BICC1: variants seen among roughly 807,000 people sequenced by gnomAD.
The protein encoded by BICC1 is protein bicaudal C homolog 1.
In BICC1, 43 loss-of-function variants were observed where a neutral mutation model predicts 111.0. The ratio of observed to expected loss-of-function variants is 0.39; its 90% CI spans 0.30 to 0.50. The LOEUF is 0.50. BICC1 is among the 20% of genes least tolerant of loss of function. The pLI is 0.88. For synonymous variants in BICC1, 467 were observed against 434.4 expected (o/e 1.07, Z -0.93); for missense variants, 1,091 against 1,203.2 (o/e 0.91, Z 1.38).
intron 3 of BICC1, among the ~76,000 whole-genome samples, chr10:58,725,216 C>T (rs1431614839): frequency 2.6e-5 from 4 of 152,112 alleles, no homozygotes; most frequent in African/African-American, 7.2e-5. Flanking sequence ...TTGCAAATAT[C>T]GATCATGCAA....
chr10:58,608,436 GAAT>G (rs1041883607), intron 1 of BICC1, among the ~76,000 whole-genome samples: 1 of 152,130 alleles, frequency 6.6e-6, no homozygotes, highest in African/African-American at 2.4e-5. Flanking sequence ...ACGCGTTTTG[GAAT>G]CAGACATTCA....
chr10:58,606,681 T>G (rs1234758525), intron 1 of BICC1, among the ~76,000 whole-genome samples: 1 of 152,158 alleles, frequency 6.6e-6, no homozygotes, highest in Non-Finnish European at 1.5e-5. Flanking sequence ...GTGACTTGTT[T>G]TTTTCTCTCT....
At position 58,592,831 on chromosome 10, in the gene BICC1, C is replaced by T. The variant is rs184517196; in HGVS notation, c.191-28024C>T. Reference sequence around the variant, plus strand: ...GGTGGAGGTTGCAGTGAGCCGAGATCGCACCACTGCACTCAAGCCTGGCCA... The same window carrying T: ...GGTGGAGGTTGCAGTGAGCCGAGATTGCACCACTGCACTCAAGCCTGGCCA... On this transcript the variant is annotated intron_variant, in intron 1 of 20. Coordinates refer to ENST00000373886, the MANE Select transcript of BICC1 (RefSeq NM_001080512.3). Among the ~76,000 whole-genome samples, 490 of 140,594 alleles carry T rather than the reference C, an allele frequency of 3.5e-3. 3 individuals are homozygous for T. Among genetic ancestry groups the T allele is most frequent in the Middle Eastern group, 0.012 (3 of 242 alleles). 92.2% of individuals were successfully genotyped at this position (140,594 alleles called of 152,430 possible).
At chr10:58,644,393 G>T (rs1838207539) in intron 2 of BICC1, among the ~76,000 whole-genome samples, 1 of 152,174 alleles carries the variant, frequency 6.6e-6, no homozygotes, top group Non-Finnish European at 1.5e-5. Flanking sequence ...CCCAGAAGTT[G>T]TGTAAGGAAG....
intron 2 of BICC1, among the ~76,000 whole-genome samples, chr10:58,635,038 A>C (rs1837914097): frequency 6.6e-6 from 1 of 152,022 alleles, no homozygotes; most frequent in African/African-American, 2.4e-5. Context: ...TCTGTGGTAG[A>C]CCCGTCACAG....
At chr10:58,670,032 C>G (rs1390928334) in intron 2 of BICC1, among the ~76,000 whole-genome samples, 5 of 151,992 alleles carry the variant, frequency 3.3e-5, no homozygotes, top group Non-Finnish European at 7.4e-5. Flanking sequence ...AGAAATGCAG[C>G]TTGGTTAAAG....
At chr10:58,623,444 T>C (rs574966750) in intron 2 of BICC1, among the ~76,000 whole-genome samples, 1 of 152,322 alleles carries the variant, frequency 6.6e-6, no homozygotes, top group East Asian at 1.9e-4. Context: ...ATACACTGTT[T>C]TGCTGCATGG....
At chr10:58,769,916 A>G (rs1251293911) in intron 3 of BICC1, among the ~76,000 whole-genome samples, 1 of 152,158 alleles carries the variant, frequency 6.6e-6, no homozygotes, top group Non-Finnish European at 1.5e-5. Flanking sequence ...TTTCGTACTG[A>G]TTAGCATGAA....
In BICC1 at chr10:58,813,840, T is replaced by C; in HGVS notation, c.2387T>C (p.Met796Thr). 1.2e-6 allele frequency: 2 copies of C among 1,613,914 alleles called. No individual in the cohort carries two copies. The highest frequency in any genetic ancestry group is 1.1e-5 in the South Asian group (1 of 91,076). The change falls in exon 18 of 21, where the codon ATG (methionine) becomes ACG (threonine). Residue 796 changes from methionine (M) to threonine (T), a missense_variant. By Grantham distance (81) the Met-to-Thr change is moderately conservative. Coordinates refer to ENST00000373886, the MANE Select transcript of BICC1 (RefSeq NM_001080512.3). ...TTTGTCTGTTTACAGGGCTCATCCA[T>C]GTCCCTTTCACGGTCCAACAGTCGT... ...TMTTTYEGSSMSLSRSNSREH... is the reference protein window; with the variant it reads ...TMTTTYEGSSTSLSRSNSREH...
chr10:58,555,026 T>C lies in BICC1; in HGVS notation c.190+41693T>C, dbSNP rs367580420. On this transcript the variant is annotated intron_variant, in intron 1 of 20. Coordinates refer to ENST00000373886, the MANE Select transcript of BICC1 (RefSeq NM_001080512.3). ...AATTTGTAATGTCCAGGTTTTGTTATAAATACCTTAGTGTCTTTCTTTAAA... is the reference window on the plus strand; with the variant it reads ...AATTTGTAATGTCCAGGTTTTGTTACAAATACCTTAGTGTCTTTCTTTAAA... Among the ~76,000 whole-genome samples, 23 of 152,176 alleles carry C rather than the reference T, an allele frequency of 1.5e-4. No homozygotes were observed. The East Asian group carries it at 3.7e-3, about 24-fold the overall frequency.
intron 2 of BICC1, among the ~76,000 whole-genome samples, chr10:58,700,230 A>G (rs1840190318): frequency 6.6e-6 from 1 of 152,162 alleles, no homozygotes; most frequent in South Asian, 2.1e-4. Context: ...GTGAGAGTAG[A>G]AAAGGATGGG....
chr10:58,712,751 A>G (rs1034522932), intron 3 of BICC1, among the ~76,000 whole-genome samples: 1 of 152,166 alleles, frequency 6.6e-6, no homozygotes. Flanking sequence ...CAGTGAAATT[A>G]TTCTGTATGA....
chr10:58,724,532 A>C (rs1841041302), intron 3 of BICC1, among the ~76,000 whole-genome samples: 1 of 152,192 alleles, frequency 6.6e-6, no homozygotes, highest in Non-Finnish European at 1.5e-5. Context: ...CAGCTCCAGA[A>C]CATTAAAAGT....
chr10:58,677,363 C>G (rs1181756548), intron 2 of BICC1, among the ~76,000 whole-genome samples: 3 of 152,312 alleles, frequency 2.0e-5, no homozygotes, highest in Non-Finnish European at 4.4e-5. Flanking sequence ...CATAAATGAC[C>G]TGATGCAGCT....
chr10:58,623,275 A>G (rs1014433305), intron 2 of BICC1, among the ~76,000 whole-genome samples: 5 of 152,230 alleles, frequency 3.3e-5, no homozygotes, highest in African/African-American at 7.2e-5. Flanking sequence ...AAGAATTGGT[A>G]TATTTCCATA....
chr10:58,751,111 C>A (rs1218792897), intron 3 of BICC1, among the ~76,000 whole-genome samples: 1 of 152,144 alleles, frequency 6.6e-6, no homozygotes, highest in Non-Finnish European at 1.5e-5. Flanking sequence ...AGAAGGATAG[C>A]AGTTCTGCAA....
At chr10:58,565,019 A>G (rs1297794952) in intron 1 of BICC1, among the ~76,000 whole-genome samples, 1 of 152,184 alleles carries the variant, frequency 6.6e-6, no homozygotes. Context: ...TTACCTAGCC[A>G]TCAGAGAAAC....
chr10:58,813,170 A>G (rs1843965676), intron 17 of BICC1, among the ~76,000 whole-genome samples: 1 of 152,186 alleles, frequency 6.6e-6, no homozygotes, highest in Non-Finnish European at 1.5e-5. Flanking sequence ...TGACTTTAAT[A>G]CTCTAGGTAA....
At chr10:58,631,332 C>T (rs1275186215) in intron 2 of BICC1, among the ~76,000 whole-genome samples, 3 of 152,240 alleles carry the variant, frequency 2.0e-5, no homozygotes, top group East Asian at 1.9e-4. Flanking sequence ...GTTACTCTCT[C>T]ATTTTATATG....
Sources: gnomAD v4.1 joint callset for allele counts (sites outside exome capture counted in the v4.1 genomes callset) on GRCh38, gnomAD v4.1.1 for gene constraint, MANE v1.5 for transcripts, NCBI Gene and HGNC (gene_info 2026-07-23, HGNC 2026-07-21) for gene names.